NXPE2: variants seen among roughly 807,000 people sequenced by gnomAD.
NXPE2 encodes the protein neurexophilin and PC-esterase domain family member 2.
In NXPE2, 34 loss-of-function variants were observed where a neutral mutation model predicts 34.4. The ratio of observed to expected loss-of-function variants is 0.99; its 90% CI spans 0.75 to 1.31. The LOEUF (loss-of-function observed/expected upper bound fraction) is 1.31. Ranked by LOEUF, NXPE2 falls within the 40% of genes most tolerant of loss-of-function variation. NXPE2 has a pLI of 0.00. For missense variants in NXPE2, 649 were observed against 672.5 expected (o/e 0.97, Z 0.39); for synonymous variants, 235 against 231.3 (o/e 1.02, Z -0.15).
chr11:114,525,907 T>A, the NXPE2 span, among the ~76,000 whole-genome samples: 1 of 152,242 alleles, frequency 6.6e-6, no homozygotes, highest in Non-Finnish European at 1.5e-5. Context: ...TCTTATTCCA[T>A]CCATTGGTCT....
At chr11:114,766,507 T>C in the NXPE2 span, among the ~76,000 whole-genome samples, 1 of 152,164 alleles carries the variant, frequency 6.6e-6, no homozygotes, top group Non-Finnish European at 1.5e-5. Context: ...TTTCTTCCTC[T>C]TCACTCCTCT....
At chr11:114,714,201 C>A in the NXPE2 span, among the ~76,000 whole-genome samples, 3 of 151,976 alleles carry the variant, frequency 2.0e-5, no homozygotes, top group Admixed American at 6.5e-5. Context: ...TGTGTTGTAC[C>A]TTTTTTCACT....
chr11:114,547,048 C>T, the NXPE2 span, among the ~76,000 whole-genome samples: 1 of 152,056 alleles, frequency 6.6e-6, no homozygotes, highest in Non-Finnish European at 1.5e-5. Context: ...CAGATTCTCC[C>T]CACTCAAGGA....
chr11:114,586,096 T>A, the NXPE2 span, among the ~76,000 whole-genome samples: 3 of 152,172 alleles, frequency 2.0e-5, no homozygotes, highest in Non-Finnish European at 4.4e-5. Flanking sequence ...GGGTGACCAA[T>A]CTTTTTTGCC....
the NXPE2 span, among the ~76,000 whole-genome samples, chr11:114,621,028 T>A: frequency 1.3e-5 from 2 of 152,082 alleles, no homozygotes; most frequent in African/African-American, 4.8e-5. Context: ...TGACCACTGT[T>A]ACGCAGTGCA....
the NXPE2 span, among the ~76,000 whole-genome samples, chr11:114,776,724 G>A: frequency 6.6e-6 from 1 of 152,194 alleles, no homozygotes; most frequent in African/African-American, 2.4e-5. Flanking sequence ...AGGTGATCCT[G>A]TTTAAGTGGG....
chr11:114,513,207 G>A, the NXPE2 span: 1 of 542,838 alleles, frequency 1.8e-6, no homozygotes. Flanking sequence ...AGGATGTCCA[G>A]CTGGTGCCTC....
At chr11:114,545,593 G>C in the NXPE2 span, among the ~76,000 whole-genome samples, 12 of 152,146 alleles carry the variant, frequency 7.9e-5, no homozygotes, top group Non-Finnish European at 1.5e-4. Context: ...GTGAATCAGA[G>C]GGGGACTTTT....
the NXPE2 span, among the ~76,000 whole-genome samples, chr11:114,714,286 C>T: frequency 6.6e-6 from 1 of 152,138 alleles, no homozygotes; most frequent in Non-Finnish European, 1.5e-5. Context: ...CAAAACTCAT[C>T]AAGTTGATAC....
the NXPE2 span, among the ~76,000 whole-genome samples, chr11:114,466,331 T>G: frequency 1.4e-4 from 22 of 152,222 alleles, no homozygotes; most frequent in Non-Finnish European, 2.6e-4. Context: ...AACCCAAGCC[T>G]TCTTAGTATT....
At chr11:114,500,477 C>T in the NXPE2 span, among the ~76,000 whole-genome samples, 1 of 151,906 alleles carries the variant, frequency 6.6e-6, no homozygotes, top group African/African-American at 2.4e-5. Context: ...TGTCTGTTTT[C>T]TTTGTTATTT....
chr11:114,759,231 A>G, the NXPE2 span, among the ~76,000 whole-genome samples: 1 of 152,198 alleles, frequency 6.6e-6, no homozygotes, highest in African/African-American at 2.4e-5. Context: ...TAACCCACGG[A>G]GGTCCTCGGA....
the NXPE2 span, chr11:114,530,287 C>A: frequency 6.2e-7 from 1 of 1,614,198 alleles, no homozygotes; most frequent in Non-Finnish European, 8.5e-7. Flanking sequence ...CAATAGAAGG[C>A]TTCTTGGTCT....
At chr11:114,553,913 A>G in the NXPE2 span, 7 of 984,806 alleles carry the variant, frequency 7.1e-6, no homozygotes, top group African/African-American at 1.2e-4. Context: ...AAAGGCTATA[A>G]ACAGGATTTT....
chr11:114,495,320 C>T, the NXPE2 span, among the ~76,000 whole-genome samples: 1,550 of 152,166 alleles, frequency 0.01, 34 homozygotes, highest in African/African-American at 0.036. Flanking sequence ...TTCTCTCTGG[C>T]TGCTGGTGGG....
the NXPE2 span, among the ~76,000 whole-genome samples, chr11:114,663,373 C>G: frequency 1.3e-5 from 2 of 152,182 alleles, no homozygotes; most frequent in South Asian, 4.1e-4. Flanking sequence ...TCTTCCTGTT[C>G]AAGAGTTAGG....
chr11:114,679,472 G>A (rs1442633440), intron 1 of NXPE2, among the ~76,000 whole-genome samples, 185 bp from the exon 2 acceptor site: 1 of 151,980 alleles, frequency 6.6e-6, no homozygotes, highest in Non-Finnish European at 1.5e-5. Context: ...CCTTCTAGGA[G>A]TTTTGTTCCC....
At chr11:114,641,265 A>C in the NXPE2 span, among the ~76,000 whole-genome samples, 1 of 152,002 alleles carries the variant, frequency 6.6e-6, no homozygotes, top group Non-Finnish European at 1.5e-5. Context: ...TAATAATATC[A>C]CTATCTATAT....
the NXPE2 span, among the ~76,000 whole-genome samples, chr11:114,632,471 T>TAC: frequency 7.8e-6 from 1 of 128,608 alleles, no homozygotes; most frequent in African/African-American, 2.8e-5. Flanking sequence ...ACATTATATA[T>TAC]ACTATATAAT....
Sources: allele counts gnomAD v4.1 joint callset (sites outside exome capture counted in the v4.1 genomes callset), GRCh38; gene constraint gnomAD v4.1.1; transcripts MANE v1.5; gene names NCBI Gene and HGNC (gene_info 2026-07-23, HGNC 2026-07-21).